Variants in NOD1 observed in about 807,000 individuals in gnomAD.
NOD1 encodes the protein nucleotide-binding oligomerization domain-containing protein 1.
Under a neutral mutation model 81.2 loss-of-function variants are expected in NOD1, and 70 were observed. That is an observed-to-expected ratio of 0.86 (90% CI 0.71 to 1.05). The LOEUF is 1.05. NOD1 is among the 50% of genes least tolerant of loss of function. The pLI is 0.00. For missense variants in NOD1, 1,233 were observed against 1,228.0 expected (o/e 1.00, Z -0.06); for synonymous variants, 508 against 526.9 (o/e 0.96, Z 0.49).
At chr7:30,439,222 G>C (rs1784653431) in intron 9 of NOD1, among the ~76,000 whole-genome samples, 2 of 152,052 alleles carry the variant, frequency 1.3e-5, no homozygotes, top group Admixed American at 6.5e-5. Context: ...CCCACTGCTG[G>C]ATATATACCC....
At chr7:30,460,098 G>T in intron 1 of NOD1, 57 bp from the exon 2 acceptor site, 1 of 309,836 alleles carries the variant, frequency 3.2e-6, no homozygotes, top group Non-Finnish European at 4.7e-6. Context: ...GCTTTATAAT[G>T]TCCAGAGCCC....
intron 6 of NOD1, among the ~76,000 whole-genome samples, chr7:30,450,423 G>C (rs1348305296): frequency 6.6e-6 from 1 of 152,200 alleles, no homozygotes; most frequent in Non-Finnish European, 1.5e-5. Flanking sequence ...CTGCTTTTTA[G>C]AAATGCATGA....
intron 13 of NOD1, among the ~76,000 whole-genome samples, chr7:30,428,774 A>G (rs1041573378): frequency 2.0e-5 from 3 of 152,154 alleles, no homozygotes; most frequent in African/African-American, 7.2e-5. Context: ...CACCCAGGCA[A>G]TTAAGTTGTT....
rs1450034164 is a variant in NOD1 at position 30,425,620 on chromosome 7, G to A, written c.*18C>T. On this transcript the variant is annotated 3_prime_UTR_variant, in exon 14 of 14. Transcript: ENST00000222823. ...TGAGGCTCCAGGGCAAAAACCCCAT[G>A]AACAGGAAAGCATCCTCTCAGAAAC... 6.2e-7 allele frequency: 1 copy of A among 1,603,382 alleles called. No homozygotes were observed. Among genetic ancestry groups the A allele is most frequent in the Non-Finnish European group, 8.5e-7 (1 of 1,170,212 alleles).
chr7:30,446,702 C>T, intron 8 of NOD1: 1 of 458,142 alleles, frequency 2.2e-6, no homozygotes. Flanking sequence ...AAAAAGACCA[C>T]CAGAAAGGGT....
intron 9 of NOD1, 132 bp from the exon 10 acceptor site, chr7:30,437,788 TG>T (rs55983406): frequency 0.016 from 9,938 of 607,026 alleles, 159 homozygotes; most frequent in Non-Finnish European, 0.018. Flanking sequence ...CCTGGATCTG[TG>T]GCCTGGACAC....
At chr7:30,472,427 C>T (rs1382079008) in intron 1 of NOD1, among the ~76,000 whole-genome samples, 1 of 152,246 alleles carries the variant, frequency 6.6e-6, no homozygotes, top group Non-Finnish European at 1.5e-5. Context: ...CCCAGACTCT[C>T]CTAATTCTAG....
rs780817326 is a variant in NOD1 at position 30,456,841 on chromosome 7, C to T, written c.81G>A (p.Arg27=). Residue 27 remains arginine, a synonymous_variant, in exon 4 of 14, where the codon CGG becomes CGA. Coordinates refer to ENST00000222823, the MANE Select transcript of NOD1 (RefSeq NM_006092.4). ...TGCGGATGTGAGTGACCAGAAGTTC[C>T]CGATTGCTTTTCAGTAATTGAATGT... ...HPHIQLLKSN[R]ELLVTHIRNT... is the part of the protein sequence containing the mutation. 1 of 1,614,154 alleles carries T rather than the reference C, an allele frequency of 6.2e-7. No homozygotes were observed. Among genetic ancestry groups the T allele is most frequent in the South Asian group, 1.1e-5 (1 of 91,074 alleles).
At chr7:30,447,136 T>G in intron 7 of NOD1, 86 bp from the exon 8 acceptor site, 1 of 1,605,770 alleles carries the variant, frequency 6.2e-7, no homozygotes, top group South Asian at 1.1e-5. Context: ...TGGTGTCTAC[T>G]GATTTCCAAA....
rs1784351888 is a variant in NOD1, at chr7:30,436,054, T to C, written c.2565A>G (p.Glu855=). The stretch of plus-strand genomic sequence containing the variant: ...GGGCCCTCGCAAGGCTCTTTCCTCC[T>C]TCTGTGGAGATGCCGTTGGACGCAA... ...LSLASNGIST[E]GGKSLARALQ... Residue 855 remains glutamate, a synonymous_variant, in exon 11 of 14, where the codon GAA becomes GAG. Coordinates refer to ENST00000222823, the MANE Select transcript of NOD1 (RefSeq NM_006092.4). 1 of 1,614,148 alleles carries C rather than the reference T, an allele frequency of 6.2e-7. No homozygotes were observed. The highest frequency in any genetic ancestry group is 2.2e-5 in the East Asian group (1 of 44,886).
rs554599812 is a variant in NOD1, at chr7:30,433,132, T to A, written c.2669A>T (p.Glu890Val). 25 of 1,614,164 alleles carry A rather than the reference T, an allele frequency of 1.5e-5. No individual in the cohort carries two copies. Among genetic ancestry groups the A allele is most frequent in the Non-Finnish European group, 2.0e-5 (24 of 1,179,978 alleles). ...LNDEVAESLA[E>V]MLKVNQTLKH... ...TAACGTCTGGTTGACTTTCAACATT[T>A]CTGCCAAACTCTCTGCCACTTCATC... is the stretch of plus-strand genomic sequence containing the variant. Residue 890 changes from glutamate (E) to valine (V), a missense_variant, in exon 12 of 14, where the codon GAA (glutamate) becomes GTA (valine). Glu to Val is a moderately radical substitution (Grantham distance 121). Transcript: ENST00000222823.
chr7:30,451,874 A>AC lies in NOD1; in HGVS notation c.1542dup (p.Phe515ValfsTer228), dbSNP rs762748066. On this transcript the variant is annotated frameshift_variant, in exon 6 of 14. Transcript: ENST00000222823. LOFTEE classifies it high-confidence loss of function. The surrounding 1 kb of genome is among the most constrained non-coding windows in gnomAD (Gnocchi z 4.2). ...AAGGCCTGGAGGGTGAGGTGGAAAA[A>AC]CTCATAGGACTGCTGGTCACCCCCG... The AC allele has an allele frequency of 1.2e-4, 199 of 1,612,866 alleles. No individual in the cohort carries two copies. The highest frequency in any genetic ancestry group is 1.6e-4 in the Non-Finnish European group (188 of 1,179,790).
rs1734149743 is a variant in NOD1, at chr7:30,425,446, T to A, written c.*192A>T. 1.6e-6 allele frequency: 1 copy of A among 607,538 alleles called. No homozygotes were observed. 37.6% of individuals were successfully genotyped at this position (607,538 alleles called of 1,614,324 possible). A position where few individuals can be genotyped will look rare whatever the true frequency, so the allele number is the denominator to read the frequency against. On this transcript the variant is annotated 3_prime_UTR_variant, in exon 14 of 14. Transcript: ENST00000222823. ...AAGACACATTCTTTTTCTGCAGAAT[T>A]GTAGCGGGTACTTAGGGAGTTTGCC...
chr7:30,469,822 T>C (rs1788081453), intron 1 of NOD1, among the ~76,000 whole-genome samples: 1 of 152,248 alleles, frequency 6.6e-6, no homozygotes, highest in Admixed American at 6.5e-5. Context: ...CCAAGTCTCC[T>C]GGCTGCGAGA....
chr7:30,453,667 A>G (rs560966242), intron 5 of NOD1, among the ~76,000 whole-genome samples: 2 of 152,150 alleles, frequency 1.3e-5, no homozygotes, highest in East Asian at 1.9e-4. Context: ...CGATCTGCCC[A>G]CCTCGGCCTC....
chr7:30,468,941 TTAC>T, intron 1 of NOD1: 1 of 985,450 alleles, frequency 1.0e-6, no homozygotes, highest in Non-Finnish European at 1.2e-6. Context: ...ACTCTGCAAG[TTAC>T]CCAACAGCAA....
chr7:30,470,280 G>A (rs1218128638), intron 1 of NOD1, among the ~76,000 whole-genome samples: 3 of 152,210 alleles, frequency 2.0e-5, no homozygotes, highest in Non-Finnish European at 4.4e-5. Flanking sequence ...GAACAGCACT[G>A]GTCACATAGT....
In NOD1 at chr7:30,429,433, A is replaced by G. The variant is rs1221490220; in HGVS notation, c.2730T>C (p.Ala910=). The G allele has an allele frequency of 1.9e-6, 3 of 1,613,998 alleles. No individual in the cohort carries two copies. The African/African-American group carries it at 4.0e-5, about 22-fold the overall frequency. Residue 910 remains alanine (A), a synonymous_variant, in exon 13 of 14, where the codon GCT becomes GCC. Coordinates refer to ENST00000222823, the MANE Select transcript of NOD1 (RefSeq NM_006092.4). ...CATCTGCCAGCTGGGCAGTCCCCTTAGCTGTGATCTGATTCTGGATAAGCC... is the reference window on the plus strand; with the variant it reads ...CATCTGCCAGCTGGGCAGTCCCCTTGGCTGTGATCTGATTCTGGATAAGCC... The part of the protein sequence containing the change: ...HLWLIQNQIT[A]KGTAQLADAL...
chr7:30,428,670 T>C (rs1363403860), intron 13 of NOD1: 3 of 152,100 alleles, frequency 2.0e-5, no homozygotes, highest in Non-Finnish European at 2.9e-5. Context: ...AGCTGTTTTT[T>C]GTTTTTTTTT....
Sources: gnomAD v4.1 joint callset for allele counts (sites outside exome capture counted in the v4.1 genomes callset) on GRCh38, gnomAD v4.1.1 for gene constraint, Gnocchi (gnomAD v3.1) non-coding constraint, MANE v1.5 for transcripts, NCBI Gene and HGNC (gene_info 2026-07-23, HGNC 2026-07-21) for gene names.